The following GLIS3 variants were observed in gnomAD, a reference collection of about 807,000 sequenced individuals.
GLIS3 encodes GLIS family zinc finger 3, also known as zinc finger protein GLIS3.
In GLIS3, 53 loss-of-function variants were observed where a neutral mutation model predicts 78.6. The ratio of observed to expected loss-of-function variants is 0.67; its 90% confidence interval spans 0.54 to 0.85. The LOEUF (loss-of-function observed/expected upper bound fraction) is 0.85, where lower values mean the gene tolerates loss of function less well. Ranked by LOEUF, GLIS3 falls within the 40% of genes least tolerant of loss-of-function variation. The pLI, the probability that GLIS3 is intolerant of heterozygous loss-of-function variation, is 0.00. For missense variants in GLIS3, 1,703 were observed against 1,231.1 expected, an observed-to-expected ratio of 1.38 and a Z score of -5.74; for synonymous variants, 684 against 509.9, an observed-to-expected ratio of 1.34 and a Z score of -4.60.
chr9:3,888,243 C>CT (rs1822208242), intron 7 of GLIS3, among the ~76,000 whole-genome samples: 1 of 152,140 alleles, frequency 6.6e-6, no homozygotes, highest in Admixed American at 6.5e-5. Flanking sequence ...AAAAACAAAG[C>CT]TGCAGTAAAA....
chr9:4,449,863 G>T, the GLIS3 span, among the ~76,000 whole-genome samples: 5 of 152,084 alleles, frequency 3.3e-5, no homozygotes, highest in Non-Finnish European at 5.9e-5. Flanking sequence ...AAGGACCAAA[G>T]GTAGATAAAA....
the GLIS3 span, among the ~76,000 whole-genome samples, chr9:4,356,257 A>T: frequency 6.6e-6 from 1 of 152,202 alleles, no homozygotes; most frequent in African/African-American, 2.4e-5. Context: ...AGAGCCGGAG[A>T]GACTGGCCCA....
At chr9:4,189,457 A>T (rs1818124130) in intron 2 of GLIS3, among the ~76,000 whole-genome samples, 1 of 152,082 alleles carries the variant, frequency 6.6e-6, no homozygotes, top group Non-Finnish European at 1.5e-5. Flanking sequence ...GTGCTGAAAA[A>T]AATGTATATT....
chr9:4,452,952 T>C, the GLIS3 span, among the ~76,000 whole-genome samples: 6 of 152,112 alleles, frequency 3.9e-5, no homozygotes, highest in Non-Finnish European at 8.8e-5. Flanking sequence ...ATGGTACTGG[T>C]ACCAAAACAG....
intron 4 of GLIS3, among the ~76,000 whole-genome samples, chr9:4,042,253 G>T (rs1260761467): frequency 6.6e-6 from 1 of 152,080 alleles, no homozygotes; most frequent in Non-Finnish European, 1.5e-5. Context: ...GGCCAGCCTT[G>T]ATTCTTCATT....
chr9:4,033,290 C>T (rs1173753221), intron 4 of GLIS3, among the ~76,000 whole-genome samples: 6 of 152,164 alleles, frequency 3.9e-5, no homozygotes, highest in African/African-American at 1.4e-4. Flanking sequence ...TTCTCCCTCA[C>T]CCAAAACAGC....
the GLIS3 span, among the ~76,000 whole-genome samples, chr9:4,468,742 A>C: frequency 3.3e-5 from 5 of 152,200 alleles, no homozygotes. Flanking sequence ...TGAGCAAAAT[A>C]ACCAGCTAAC....
intron 4 of GLIS3, among the ~76,000 whole-genome samples, chr9:4,069,909 GTGGATGTCAGGAAGATAAGCT>G (rs1293930554): frequency 1.3e-5 from 2 of 152,002 alleles, no homozygotes; most frequent in Admixed American, 1.3e-4. Context: ...GCGGAAGCCT[GTGGATGTCAGGAAGATAAGCT>G]TTGGACATTC....
chr9:4,163,850 C>T (rs1469186755), intron 2 of GLIS3, among the ~76,000 whole-genome samples: 1 of 152,154 alleles, frequency 6.6e-6, no homozygotes, highest in Non-Finnish European at 1.5e-5. Flanking sequence ...ACTATTATTA[C>T]TGTTAATAAT....
At chr9:4,180,630 A>T (rs911918541) in intron 2 of GLIS3, among the ~76,000 whole-genome samples, 1 of 152,216 alleles carries the variant, frequency 6.6e-6, no homozygotes, top group African/African-American at 2.4e-5. Context: ...ATCCTGCTCC[A>T]TGAGAGAACA....
chr9:4,147,370 C>G (rs1052808410), intron 2 of GLIS3: 1 of 152,172 alleles, frequency 6.6e-6, no homozygotes. Context: ...TGTTCTCAGG[C>G]TGTTTGGCCA....
chr9:4,266,216 CCCGCA>C (rs1446068100), intron 2 of GLIS3, among the ~76,000 whole-genome samples: 1 of 150,754 alleles, frequency 6.6e-6, no homozygotes, highest in Non-Finnish European at 1.5e-5. Context: ...CCGCGCCTGG[CCCGCA>C]CTCACCCTGC....
At chr9:3,844,203 C>T (rs949443981) in intron 9 of GLIS3, among the ~76,000 whole-genome samples, 17 of 152,148 alleles carry the variant, frequency 1.1e-4, no homozygotes, top group Non-Finnish European at 2.2e-4. Flanking sequence ...AGTGGCCTCG[C>T]TACCAGCAAC....
chr9:3,858,851 G>A (rs1819968500), intron 8 of GLIS3, among the ~76,000 whole-genome samples: 1 of 152,122 alleles, frequency 6.6e-6, no homozygotes, highest in African/African-American at 2.4e-5. Context: ...AGAAGTAAGT[G>A]TATATATAGG....
the GLIS3 span, among the ~76,000 whole-genome samples, chr9:4,454,733 C>A: frequency 1.3e-5 from 2 of 152,080 alleles, no homozygotes; most frequent in African/African-American, 4.8e-5. Flanking sequence ...TGATGTGTTC[C>A]AGGTCGGGAC....
chr9:4,120,754 C>T (rs1832114590), intron 3 of GLIS3, among the ~76,000 whole-genome samples: 1 of 152,224 alleles, frequency 6.6e-6, no homozygotes, highest in African/African-American at 2.4e-5. Flanking sequence ...AATGGATGCA[C>T]ATTCTCAGGT....
the GLIS3 span, among the ~76,000 whole-genome samples, chr9:4,358,613 T>C: frequency 1.3e-5 from 2 of 152,144 alleles, no homozygotes; most frequent in African/African-American, 2.4e-5. Context: ...CATCTCCCTA[T>C]TTAGATGGGA....
chr9:4,252,209 T>A (rs765127291), intron 2 of GLIS3, among the ~76,000 whole-genome samples: 13 of 152,200 alleles, frequency 8.5e-5, no homozygotes, highest in African/African-American at 1.9e-4. Flanking sequence ...TTTTAAAGCT[T>A]GGTTCCATTC....
intron 1 of GLIS3, among the ~76,000 whole-genome samples, chr9:4,298,684 A>C (rs1816830453): frequency 6.6e-6 from 1 of 152,096 alleles, no homozygotes; most frequent in Non-Finnish European, 1.5e-5. Context: ...GCCCCATAAA[A>C]AATGTAAACG....
Sources: allele counts gnomAD v4.1 joint callset (sites outside exome capture counted in the v4.1 genomes callset), GRCh38; gene constraint gnomAD v4.1.1; transcripts MANE v1.5; gene names NCBI Gene and HGNC (gene_info 2026-07-23, HGNC 2026-07-21).